Variants in KLHL32 observed in about 807,000 individuals in gnomAD.
KLHL32 encodes the protein kelch-like protein 32.
A neutral mutation model predicts 64.8 loss-of-function variants in KLHL32; 35 were observed. The ratio of observed to expected loss-of-function variants is 0.54; its 90% CI spans 0.41 to 0.72. The LOEUF is 0.72. Among genes scored for constraint, KLHL32 ranks in the 30% least tolerant of loss-of-function variants. The pLI is 0.00. For synonymous variants in KLHL32, 259 were observed against 281.0 expected (o/e 0.92, Z 0.78); for missense variants, 589 against 768.5 (o/e 0.77, Z 2.76).
chr6:96,962,834 A>G (rs1218688014), intron 1 of KLHL32, among the ~76,000 whole-genome samples: 3 of 152,194 alleles, frequency 2.0e-5, no homozygotes, highest in African/African-American at 7.2e-5. Context: ...CTAGCTGCAT[A>G]TTGATATGTG....
At chr6:97,028,264 AG>A (rs1199188110) in intron 3 of KLHL32, among the ~76,000 whole-genome samples, 1 of 152,142 alleles carries the variant, frequency 6.6e-6, no homozygotes, top group Non-Finnish European at 1.5e-5. Flanking sequence ...CTGCTATTCC[AG>A]GGACCACACC....
intron 3 of KLHL32, among the ~76,000 whole-genome samples, chr6:97,039,455 T>C (rs930329010): frequency 5.9e-5 from 9 of 152,006 alleles, no homozygotes; most frequent in African/African-American, 2.2e-4. Flanking sequence ...TACAGTTTAA[T>C]AGAAGAAATA....
At chr6:97,106,398 A>G (rs1156739988) in intron 6 of KLHL32, among the ~76,000 whole-genome samples, 1 of 152,158 alleles carries the variant, frequency 6.6e-6, no homozygotes, top group Non-Finnish European at 1.5e-5. Context: ...TCTGTTCTGT[A>G]TATTTTTGGG....
rs1350109947 is a variant in KLHL32 at position 97,140,570 on chromosome 6, T to C, written c.*1288T>C. 6.6e-6 allele frequency: 1 copy of C among 152,052 alleles called. No homozygotes were observed. Among genetic ancestry groups the C allele is most frequent in the Non-Finnish European group, 1.5e-5 (1 of 67,876 alleles). The allele number at this position is 152,052 out of a possible 1,614,324, so 9.4% of individuals were successfully genotyped here. A position where few individuals can be genotyped will look rare whatever the true frequency, so the allele number is the denominator to read the frequency against. The stretch of plus-strand genomic sequence containing the variant: ...GAAAACAAATTTAACAAGTATAATG[T>C]GAGTTTTTCTTTTTTCCTAACTTCC... On this transcript the variant is annotated 3_prime_UTR_variant, in exon 11 of 11. Coordinates refer to ENST00000369261, the MANE Select transcript of KLHL32 (RefSeq NM_052904.4).
At chr6:96,928,169 T>A (rs903725077) in intron 1 of KLHL32, among the ~76,000 whole-genome samples, 4 of 152,074 alleles carry the variant, frequency 2.6e-5, no homozygotes, top group Admixed American at 6.5e-5. Flanking sequence ...AGGGAAAAAA[T>A]TTTAAATGTT....
chr6:96,955,638 G>A (rs972808198), intron 1 of KLHL32, among the ~76,000 whole-genome samples: 7 of 152,088 alleles, frequency 4.6e-5, no homozygotes, highest in African/African-American at 1.4e-4. Flanking sequence ...TCACACTGCT[G>A]ATAAAGACAT....
At chr6:97,082,651 G>C (rs1478048312) in intron 5 of KLHL32, among the ~76,000 whole-genome samples, 1 of 151,738 alleles carries the variant, frequency 6.6e-6, no homozygotes, top group Non-Finnish European at 1.5e-5. Flanking sequence ...AAAGAAAAAA[G>C]CTCAGTTTGG....
intron 4 of KLHL32, among the ~76,000 whole-genome samples, chr6:97,056,674 T>C (rs1341420919): frequency 1.3e-5 from 2 of 152,208 alleles, no homozygotes; most frequent in Non-Finnish European, 2.9e-5. Flanking sequence ...ACCTATACTC[T>C]AGACCAAGGA....
chr6:97,007,068 A>G (rs1380938008), intron 3 of KLHL32, among the ~76,000 whole-genome samples: 1 of 152,102 alleles, frequency 6.6e-6, no homozygotes, highest in Non-Finnish European at 1.5e-5. Context: ...TTCATGAAAG[A>G]TATCTTTAAA....
At chr6:97,008,774 A>G (rs1312353099) in intron 3 of KLHL32, among the ~76,000 whole-genome samples, 1 of 152,106 alleles carries the variant, frequency 6.6e-6, no homozygotes, top group East Asian at 1.9e-4. Flanking sequence ...CTTTCCCTCC[A>G]GCCTGGCCTC....
At chr6:96,997,402 T>C (rs1049582861) in intron 3 of KLHL32, among the ~76,000 whole-genome samples, 1 of 152,122 alleles carries the variant, frequency 6.6e-6, no homozygotes, top group Non-Finnish European at 1.5e-5. Context: ...CACATATGTA[T>C]GCATTGGTTA....
Position 97,064,668 on chromosome 6 carries a change from C to T in KLHL32, c.353C>T (p.Ala118Val), listed in dbSNP as rs760800476. ...GGTGTGATCCAGGATGTGCTAGCAG[C>T]GGGCAGTCACCTACAGCTGTTGGAG... ...EPGVIQDVLA[A>V]GSHLQLLELL... The change falls in exon 5 of 11, where the codon GCG becomes GTG. Residue 118 changes from alanine to valine, a missense_variant. Ala to Val is a moderately conservative substitution (Grantham distance 64, BLOSUM62 0). Around this residue, in one of 3 missense-constraint regions of KLHL32, gnomAD observed 191 missense variants for 223.3 expected, o/e 0.86. Transcript: ENST00000369261. 69 of 1,613,982 alleles carry T rather than the reference C, an allele frequency of 4.3e-5. No homozygotes were observed. The highest frequency in any genetic ancestry group is 8.3e-5 in the Admixed American group (5 of 60,006).
chr6:96,949,141 A>G lies in KLHL32; in HGVS notation c.-65-17855A>G, dbSNP rs147785045. Among the ~76,000 whole-genome samples the G allele has an allele frequency of 4.9e-4, 74 of 152,238 alleles. 1 individual carries two copies. The highest frequency in any genetic ancestry group is 1.7e-3 in the African/African-American group (72 of 41,550). On this transcript the variant is annotated intron_variant, in intron 1 of 10. Transcript: ENST00000369261. ...TTTCTTGTTTGTCTATTTACTGTTT[A>G]TTCTTCTTAGAATGTAAGTTCTGTG...
At chr6:97,095,187 A>C (rs1794804300) in intron 6 of KLHL32, among the ~76,000 whole-genome samples, 1 of 152,210 alleles carries the variant, frequency 6.6e-6, no homozygotes, top group African/African-American at 2.4e-5. Flanking sequence ...ATGCTTAGTT[A>C]AGTGGCAAAC....
chr6:96,931,657 C>T (rs1197837232), intron 1 of KLHL32, among the ~76,000 whole-genome samples: 1 of 151,896 alleles, frequency 6.6e-6, no homozygotes, highest in Admixed American at 6.6e-5. Flanking sequence ...CTTGAGATAC[C>T]TAAAATAAGA....
At chr6:97,092,371 T>A (rs1206130) in intron 6 of KLHL32, among the ~76,000 whole-genome samples, 22,230 of 152,234 alleles carry the variant, frequency 0.15, 1,754 homozygotes, top group African/African-American at 0.2. Context: ...TATCTCCTAT[T>A]TTTTAAAGTT....
intron 10 of KLHL32, among the ~76,000 whole-genome samples, chr6:97,137,713 TTTA>T (rs1344615605): frequency 6.6e-6 from 1 of 152,038 alleles, no homozygotes; most frequent in African/African-American, 2.4e-5. Context: ...TTTTTGTATT[TTTA>T]GTAGAGACAG....
At chr6:96,909,394 G>A in the KLHL32 span, among the ~76,000 whole-genome samples, 3 of 152,184 alleles carry the variant, frequency 2.0e-5, no homozygotes, top group South Asian at 2.1e-4. Context: ...CCAGTTTTTA[G>A]ATTCAACAAT....
chr6:96,967,114 C>A lies in KLHL32; in HGVS notation c.23+31C>A. The A allele has an allele frequency of 1.9e-6, 3 of 1,606,730 alleles. No homozygotes were observed. The East Asian group carries it at 6.7e-5, about 36-fold the overall frequency. ...CCCTGTAGGATATGTCCTCACATGCCGTAGTGAGCCCTGAAATAAGTGCAT... is the reference window on the plus strand; with the variant it reads ...CCCTGTAGGATATGTCCTCACATGCAGTAGTGAGCCCTGAAATAAGTGCAT... On this transcript the variant is annotated intron_variant, in intron 2 of 10. Coordinates refer to ENST00000369261, the MANE Select transcript of KLHL32 (RefSeq NM_052904.4).
Sources: allele counts gnomAD v4.1 joint callset (sites outside exome capture counted in the v4.1 genomes callset), GRCh38; gene constraint gnomAD v4.1.1; regional missense constraint gnomAD v4.1.1; transcripts MANE v1.5; gene names NCBI Gene and HGNC (gene_info 2026-07-23, HGNC 2026-07-21).